Variants in FAM114A1 observed in about 807,000 individuals in gnomAD.
FAM114A1 encodes the protein protein NOXP20.
Under a neutral mutation model 64.3 loss-of-function variants are expected in FAM114A1, and 62 were observed. The ratio of observed to expected loss-of-function variants is 0.96; its 90% CI spans 0.79 to 1.19. FAM114A1 has a LOEUF of 1.19. Among genes scored for constraint, FAM114A1 ranks in the 50% most tolerant of loss-of-function variants. The probability of loss-of-function intolerance (pLI) is 0.00; values close to 1 mark genes in which losing one functional copy is unlikely to be tolerated. For synonymous variants in FAM114A1, 254 were observed against 251.1 expected, an observed-to-expected ratio of 1.01 and a Z score of -0.11; for missense variants, 645 against 676.3, an observed-to-expected ratio of 0.95 and a Z score of 0.51.
At chr4:38,902,593 A>G (rs1180765474) in intron 4 of FAM114A1, among the ~76,000 whole-genome samples, 1 of 152,170 alleles carries the variant, frequency 6.6e-6, no homozygotes, top group Admixed American at 6.5e-5. Flanking sequence ...TACATTATCG[A>G]AGCATTTGTA....
At chr4:38,891,186 C>T (rs1318738524) in intron 3 of FAM114A1, among the ~76,000 whole-genome samples, 1 of 152,176 alleles carries the variant, frequency 6.6e-6, no homozygotes, top group Middle Eastern at 3.2e-3. Context: ...ATGAGTGAAG[C>T]AGGGCACCTT....
At chr4:38,875,464 G>C (rs6856696) in intron 2 of FAM114A1, among the ~76,000 whole-genome samples, 41,713 of 151,970 alleles carry the variant, frequency 0.27, 6,093 homozygotes, top group African/African-American at 0.31. Context: ...TGATTTCACC[G>C]TCAGCTTGGA....
At position 38,935,795 on chromosome 4, in the gene FAM114A1, G is replaced by C; in HGVS notation, c.1536+5G>C. 6.2e-7 allele frequency: 1 copy of C among 1,602,356 alleles called. No individual in the cohort carries two copies. The highest frequency in any genetic ancestry group is 8.5e-7 in the Non-Finnish European group (1 of 1,171,444). On this transcript the variant is annotated splice_donor_5th_base_variant and intron_variant, in intron 13 of 14. Transcript: ENST00000358869. The stretch of plus-strand genomic sequence containing the variant: ...AATTCTTTAACCACTGTTGGGGTAA[G>C]ATTACAGTCTTGAATTTTTTTCACC...
chr4:38,884,823 A>G (rs1343963338), intron 3 of FAM114A1, among the ~76,000 whole-genome samples: 1 of 152,178 alleles, frequency 6.6e-6, no homozygotes, highest in African/African-American at 2.4e-5. Flanking sequence ...AGCTGGCATC[A>G]AGTCACCAGA....
Position 38,943,596 on chromosome 4 carries a change from C to T in FAM114A1, c.*39C>T, listed in dbSNP as rs10011235. 0.015 allele frequency: 24,000 copies of T among 1,571,242 alleles called. 3,087 individuals carry two copies. In the African/African-American group the frequency reaches 0.29, roughly 19 times the overall value. On this transcript the variant is annotated 3_prime_UTR_variant, in exon 15 of 15. Coordinates refer to ENST00000358869, the MANE Select transcript of FAM114A1 (RefSeq NM_138389.4). ...CATCTAGTTAAAGGAGACAGCTGGCCGCCTTGCCTCAATATGTACCATTTA... is the reference window on the plus strand; with the variant it reads ...CATCTAGTTAAAGGAGACAGCTGGCTGCCTTGCCTCAATATGTACCATTTA...
intron 8 of FAM114A1, among the ~76,000 whole-genome samples, chr4:38,921,706 G>A (rs913680271): frequency 1.3e-5 from 2 of 152,168 alleles, no homozygotes; most frequent in Admixed American, 6.5e-5. Context: ...CAAGGGGGAA[G>A]GACAGTGCCC....
chr4:38,943,448 T>A lies in FAM114A1; in HGVS notation c.1591-8T>A. 2 of 1,613,594 alleles carry A rather than the reference T, an allele frequency of 1.2e-6. No homozygotes were observed. The highest frequency in any genetic ancestry group is 1.7e-6 in the Non-Finnish European group (2 of 1,179,576). On this transcript the variant is annotated splice_polypyrimidine_tract_variant and splice_region_variant and intron_variant, in intron 14 of 14. Coordinates refer to ENST00000358869, the MANE Select transcript of FAM114A1 (RefSeq NM_138389.4). ...TAACCCTTCAACCTCATTTTTCTCC[T>A]CTCACAGGGCTGCAACAGTACAACG...
intron 3 of FAM114A1, among the ~76,000 whole-genome samples, chr4:38,888,811 A>G (rs1055240880): frequency 1.3e-5 from 2 of 152,170 alleles, no homozygotes; most frequent in Non-Finnish European, 2.9e-5. Context: ...TCTATTGGTA[A>G]TAGGCAATCT....
chr4:38,937,891 C>T (rs1413656503), intron 13 of FAM114A1, among the ~76,000 whole-genome samples: 1 of 152,142 alleles, frequency 6.6e-6, no homozygotes, highest in East Asian at 1.9e-4. Context: ...CGGGCCACCA[C>T]TCCCAGCTAA....
At chr4:38,882,949 C>T (rs1461271760) in intron 3 of FAM114A1, among the ~76,000 whole-genome samples, 2 of 152,196 alleles carry the variant, frequency 1.3e-5, no homozygotes, top group African/African-American at 4.8e-5. Flanking sequence ...AGGACCACAC[C>T]ATTTATGCAC....
intron 8 of FAM114A1, among the ~76,000 whole-genome samples, chr4:38,915,370 G>GCCCTCTGCCT (rs896190151): frequency 1.3e-5 from 2 of 152,094 alleles, no homozygotes; most frequent in Non-Finnish European, 2.9e-5. Flanking sequence ...CCAGCTGCTG[G>GCCCTCTGCCT]CCCTCTGCCT....
intron 7 of FAM114A1, among the ~76,000 whole-genome samples, chr4:38,911,511 T>C (rs1246673161): frequency 6.6e-6 from 1 of 152,212 alleles, no homozygotes; most frequent in Non-Finnish European, 1.5e-5. Flanking sequence ...ATTGCTGTTA[T>C]CTAAACAAGA....
intron 8 of FAM114A1, among the ~76,000 whole-genome samples, chr4:38,921,636 C>T (rs1258548954): frequency 2.6e-5 from 4 of 152,158 alleles, no homozygotes; most frequent in South Asian, 2.1e-4. Context: ...GCAGGGAAGA[C>T]GTCAGTCCCA....
At chr4:38,938,151 A>C (rs995783586) in intron 13 of FAM114A1, among the ~76,000 whole-genome samples, 8 of 152,198 alleles carry the variant, frequency 5.3e-5, no homozygotes, top group African/African-American at 1.9e-4. Context: ...TGAATAGCTC[A>C]TCAGCATGGG....
intron 1 of FAM114A1, chr4:38,868,041 G>A (rs1422200658): frequency 2.3e-6 from 1 of 426,134 alleles, no homozygotes; most frequent in Non-Finnish European, 4.8e-6. Context: ...AGGGACCTGC[G>A]TGGGTGCGGG....
At chr4:38,925,715 G>A (rs1720039313) in intron 9 of FAM114A1, among the ~76,000 whole-genome samples, 1 of 152,144 alleles carries the variant, frequency 6.6e-6, no homozygotes. Flanking sequence ...GATTTACCAT[G>A]GCTGAGAAGA....
chr4:38,886,613 C>A (rs1413148340), intron 3 of FAM114A1, among the ~76,000 whole-genome samples: 2 of 151,806 alleles, frequency 1.3e-5, no homozygotes, highest in African/African-American at 4.8e-5. Flanking sequence ...TAAATGTAAC[C>A]TATATAGAAA....
intron 3 of FAM114A1, among the ~76,000 whole-genome samples, chr4:38,885,091 C>T (rs1052953612): frequency 2.0e-5 from 3 of 152,136 alleles, no homozygotes; most frequent in Non-Finnish European, 2.9e-5. Context: ...TCTCTTGCCT[C>T]AGCCTCCAGA....
At chr4:38,891,931 G>C (rs543474394) in intron 4 of FAM114A1, 101 bp downstream of exon 4, 29 of 1,022,794 alleles carry the variant, frequency 2.8e-5, no homozygotes, top group Non-Finnish European at 3.7e-5. Flanking sequence ...ACATTAGCCC[G>C]TGAGCAAACC....
Sources: gnomAD v4.1 joint callset for allele counts (sites outside exome capture counted in the v4.1 genomes callset) on GRCh38, gnomAD v4.1.1 for gene constraint, MANE v1.5 for transcripts, NCBI Gene and HGNC (gene_info 2026-07-23, HGNC 2026-07-21) for gene names.